Variants in ANKS1A observed in about 807,000 individuals in gnomAD.
ANKS1A encodes the protein ankyrin repeat and SAM domain-containing protein 1A.
ANKS1A carries 55 observed loss-of-function variants against 120.3 expected under a neutral mutation model. The ratio of observed to expected loss-of-function variants is 0.46; its 90% CI spans 0.37 to 0.57. The LOEUF (loss-of-function observed/expected upper bound fraction) is 0.57, where lower values mean the gene tolerates loss of function less well. Among genes scored for constraint, ANKS1A ranks in the 20% least tolerant of loss-of-function variants. ANKS1A has a pLI of 0.00. For missense variants in ANKS1A, 1,123 were observed against 1,480.3 expected, an observed-to-expected ratio of 0.76 and a Z score of 3.96; for synonymous variants, 590 against 604.7, an observed-to-expected ratio of 0.98 and a Z score of 0.36.
chr6:35,079,455 C>A, intron 14 of ANKS1A, 61 bp from the exon 15 acceptor site: 2 of 1,596,600 alleles, frequency 1.3e-6, no homozygotes, highest in Admixed American at 1.7e-5. Flanking sequence ...GGTCCATGGT[C>A]CTCGGGTCCC....
chr6:34,994,910 C>A (rs1274960060), intron 10 of ANKS1A, among the ~76,000 whole-genome samples: 1 of 152,206 alleles, frequency 6.6e-6, no homozygotes, highest in Non-Finnish European at 1.5e-5. Flanking sequence ...GGCCTACTTT[C>A]ATTGCCTCTG....
At position 35,079,400 on chromosome 6, in the gene ANKS1A, C is replaced by T. The variant is rs117146751; in HGVS notation, c.2284-116C>T. 9.6e-6 allele frequency: 13 copies of T among 1,359,838 alleles called. No individual in the cohort carries two copies. The East Asian group carries it at 2.6e-4, about 27-fold the overall frequency. 84.2% of individuals were successfully genotyped at this position (1,359,838 alleles called of 1,614,324 possible). On this transcript the variant is annotated intron_variant, in intron 14 of 23. Transcript: ENST00000360359. ...GGGGGGCTGGAAGGTGCTGAGGACC[C>T]CAAACACAGAGGGCCCCCTGGCCAC...
chr6:35,076,925 T>C (rs1047396247), intron 13 of ANKS1A, among the ~76,000 whole-genome samples: 66 of 152,254 alleles, frequency 4.3e-4, no homozygotes, highest in African/African-American at 1.3e-3. Flanking sequence ...CCACCGCGCC[T>C]GGCCACAATA....
rs1776278388 is a variant in ANKS1A, at chr6:35,057,565, C to CT, written c.2078-2581dup. Among the ~76,000 whole-genome samples the CT allele has an allele frequency of 4.6e-5, 7 of 152,140 alleles. No homozygotes were observed. Among genetic ancestry groups the CT allele is most frequent in the Admixed American group, 2.0e-4 (3 of 15,276 alleles). On this transcript the variant is annotated intron_variant, in intron 12 of 23. Coordinates refer to ENST00000360359, the MANE Select transcript of ANKS1A (RefSeq NM_015245.3). This position sits in a 1 kb window ranked among gnomAD's most constrained non-coding sequence, Gnocchi z 4.1. ...AAGCCCTGGACTTCTGTCCCTGTAC[C>CT]TGTTTTATCTTTTTGGCCTGTCTCC...
At chr6:34,976,763 T>G (rs1418295486) in intron 3 of ANKS1A, among the ~76,000 whole-genome samples, 1 of 114,776 alleles carries the variant, frequency 8.7e-6, no homozygotes, top group Admixed American at 9.8e-5. Flanking sequence ...GCTTTTTCTC[T>G]TTCTGTGTGT....
intron 3 of ANKS1A, among the ~76,000 whole-genome samples, chr6:34,973,480 T>A (rs1021270653): frequency 1.3e-5 from 2 of 152,188 alleles, no homozygotes; most frequent in Non-Finnish European, 2.9e-5. Context: ...CTTGGTGCTC[T>A]CACCCGCTGG....
At chr6:35,011,815 G>A (rs976773443) in intron 10 of ANKS1A, among the ~76,000 whole-genome samples, 4 of 152,194 alleles carry the variant, frequency 2.6e-5, no homozygotes, top group African/African-American at 9.6e-5. Context: ...ATGAAAAATG[G>A]TGATAATGAT....
Position 35,069,117 on chromosome 6 carries a change from G to C in ANKS1A, c.2184+8864G>C, listed in dbSNP as rs183320833. Among the ~76,000 whole-genome samples, 27 of 152,290 alleles carry C rather than the reference G, an allele frequency of 1.8e-4. 2 individuals are homozygous for C. In the East Asian group the frequency reaches 5.2e-3, roughly 29 times the overall value. The stretch of plus-strand genomic sequence containing the variant: ...TGGGGCAGGTGATAGGGTGGTCCCA[G>C]GCCTTTCCCACTGGTTCAAGGTCGG... On this transcript the variant is annotated intron_variant, in intron 13 of 23. Coordinates refer to ENST00000360359, the MANE Select transcript of ANKS1A (RefSeq NM_015245.3).
chr6:34,890,542 G>T (rs1212584102), intron 1 of ANKS1A, among the ~76,000 whole-genome samples: 1 of 152,182 alleles, frequency 6.6e-6, no homozygotes, highest in South Asian at 2.1e-4. Flanking sequence ...TCATCCAGGG[G>T]CTTATTCATC....
intron 13 of ANKS1A, chr6:35,070,851 C>T (rs1777050479): frequency 1.3e-5 from 8 of 596,284 alleles, no homozygotes; most frequent in South Asian, 1.1e-4. Context: ...TGTGTGCGCG[C>T]CAAAGATTTA....
Position 34,889,594 on chromosome 6 carries a change from G to T in ANKS1A, c.192G>T (p.Leu64=), listed in dbSNP as rs1766694552. 3.1e-6 allele frequency: 4 copies of T among 1,298,436 alleles called. No homozygotes were observed. In the East Asian group the frequency reaches 9.0e-5, roughly 29 times the overall value. The allele number at this position is 1,298,436 out of a possible 1,614,324, so 80.4% of individuals were successfully genotyped here. A position where few individuals can be genotyped will look rare whatever the true frequency, so the allele number is the denominator to read the frequency against. The change falls in exon 1 of 24, where the codon CTG becomes CTT. Residue 64 remains leucine, a synonymous_variant. Transcript: ENST00000360359. The surrounding 1 kb of genome is among the most constrained non-coding windows in gnomAD (Gnocchi z 5.5). ...LGSSSHPLSS[L]LSMWRGPNVN... is the part of the protein sequence containing the mutation. Reference sequence around the variant, plus strand: ...CTTCCAGCCACCCCCTCTCCAGTCTGCTCAGGTGGGTACGCGCCAGGGCCG... The same window carrying T: ...CTTCCAGCCACCCCCTCTCCAGTCTTCTCAGGTGGGTACGCGCCAGGGCCG...
chr6:35,068,411 T>G (rs1776892011), intron 13 of ANKS1A, among the ~76,000 whole-genome samples: 1 of 152,082 alleles, frequency 6.6e-6, no homozygotes, highest in South Asian at 2.1e-4. Flanking sequence ...GCCTCCCACA[T>G]CTGCCCGGGG....
chr6:34,913,933 T>A (rs1213101671), intron 1 of ANKS1A, among the ~76,000 whole-genome samples: 1 of 151,418 alleles, frequency 6.6e-6, no homozygotes, highest in Non-Finnish European at 1.5e-5. Flanking sequence ...AATTTTTTCT[T>A]TTGAGATGGA....
chr6:35,009,026 A>G (rs928686608), intron 10 of ANKS1A, among the ~76,000 whole-genome samples: 4 of 152,232 alleles, frequency 2.6e-5, no homozygotes, highest in Non-Finnish European at 2.9e-5. Flanking sequence ...GGAACTTGTC[A>G]TAGAGCATTG....
intron 12 of ANKS1A, 129 bp downstream of exon 12, chr6:35,054,294 C>A (rs1776100325): frequency 1.3e-6 from 1 of 792,186 alleles, no homozygotes. Flanking sequence ...CCACGTCATG[C>A]TCCTATAATT....
chr6:35,083,348 A>G, intron 19 of ANKS1A, 69 bp from the exon 20 acceptor site: 1 of 1,595,614 alleles, frequency 6.3e-7, no homozygotes, highest in South Asian at 1.1e-5. Context: ...GGAAGCTGGG[A>G]CCTGTGGAAG....
chr6:34,976,446 CTCTTAACAATTCT>C (rs973991819), intron 3 of ANKS1A, among the ~76,000 whole-genome samples: 6 of 152,116 alleles, frequency 3.9e-5, no homozygotes, highest in Admixed American at 1.3e-4. Context: ...CATTTTCCCC[CTCTTAACAATTCT>C]TCCTTAGTCT....
Position 34,899,030 on chromosome 6 carries a change from A to T in ANKS1A, c.197+9431A>T, listed in dbSNP as rs538788954. 7.9e-5 allele frequency among the ~76,000 whole-genome samples: 12 copies of T among 152,344 alleles called. No individual in the cohort carries two copies. In the South Asian group the frequency reaches 2.5e-3, roughly 32 times the overall value. ...ATAGAATGGTAGGTGTAGTTTCAAC[A>T]TTCAGCCATTGCAGAAATCAACAGC... On this transcript the variant is annotated intron_variant, in intron 1 of 23. Transcript: ENST00000360359.
chr6:35,004,125 C>T (rs1162117443), intron 10 of ANKS1A, among the ~76,000 whole-genome samples: 3 of 147,706 alleles, frequency 2.0e-5, no homozygotes, highest in Admixed American at 7.0e-5. Flanking sequence ...TTTGCTCAGT[C>T]GATCACGACC....
Sources: gnomAD v4.1 joint callset for allele counts (sites outside exome capture counted in the v4.1 genomes callset) on GRCh38, gnomAD v4.1.1 for gene constraint, Gnocchi (gnomAD v3.1) non-coding constraint, MANE v1.5 for transcripts, NCBI Gene and HGNC (gene_info 2026-07-23, HGNC 2026-07-21) for gene names.